Variants in ARHGAP20 observed in about 807,000 individuals in gnomAD.
The protein encoded by ARHGAP20 is rho GTPase-activating protein 20.
A neutral mutation model predicts 73.7 loss-of-function variants in ARHGAP20; 34 were observed. The ratio of observed to expected loss-of-function variants is 0.46; its 90% CI spans 0.35 to 0.61. The LOEUF is 0.61. Among genes scored for constraint, ARHGAP20 ranks in the 20% least tolerant of loss-of-function variants. ARHGAP20 has a pLI of 0.00. For synonymous variants in ARHGAP20, 523 were observed against 518.2 expected (o/e 1.01, Z -0.13); for missense variants, 1,314 against 1,420.9 (o/e 0.92, Z 1.21).
At chr11:110,694,713 A>G (rs17409473) in intron 1 of ARHGAP20, among the ~76,000 whole-genome samples, 7,917 of 151,638 alleles carry the variant, frequency 0.052, 252 homozygotes, top group Middle Eastern at 0.099. Context: ...AGCAGGGGCT[A>G]TATCTTCTTC....
intron 2 of ARHGAP20, among the ~76,000 whole-genome samples, chr11:110,636,276 G>A (rs326953): frequency 0.51 from 77,693 of 151,942 alleles, 21,742 homozygotes; most frequent in African/African-American, 0.76. Flanking sequence ...TTACAAAAAT[G>A]GGCAACCTGT....
At chr11:110,659,771 G>A (rs1425350773) in intron 2 of ARHGAP20, among the ~76,000 whole-genome samples, 1 of 151,910 alleles carries the variant, frequency 6.6e-6, no homozygotes, top group Admixed American at 6.6e-5. Flanking sequence ...GGATGAAATT[G>A]GAAATCATCA....
In ARHGAP20 at chr11:110,577,045, T is replaced by G. The variant is rs1388917282; in HGVS notation, c.*2325A>C. The stretch of plus-strand genomic sequence containing the variant: ...AAAGGGCAATATTGCTCTGGTGGGA[T>G]GGTTAATTCTGCAGAATGGCATTTT... On this transcript the variant is annotated 3_prime_UTR_variant, in exon 15 of 15. Transcript: ENST00000683387. 7 of 1,343,484 alleles carry G rather than the reference T, an allele frequency of 5.2e-6. No homozygotes were observed. Among genetic ancestry groups the G allele is most frequent in the Non-Finnish European group, 7.1e-6 (7 of 987,082 alleles). The allele number at this position is 1,343,484 out of a possible 1,614,324, so 83.2% of individuals were successfully genotyped here.
chr11:110,650,842 C>A (rs1261206440), intron 2 of ARHGAP20, among the ~76,000 whole-genome samples: 3 of 152,084 alleles, frequency 2.0e-5, no homozygotes, highest in African/African-American at 7.2e-5. Flanking sequence ...CTCTCAAAGA[C>A]CTGGGTTGTG....
At chr11:110,709,641 A>G (rs1385035446) in intron 1 of ARHGAP20, among the ~76,000 whole-genome samples, 1 of 152,206 alleles carries the variant, frequency 6.6e-6, no homozygotes, top group South Asian at 2.1e-4. Flanking sequence ...GAGAAACACC[A>G]TCAAGGCCTC....
At chr11:110,589,312 CATG>C (rs1565424870) in intron 11 of ARHGAP20, 3 of 801,192 alleles carry the variant, frequency 3.7e-6, no homozygotes, top group Non-Finnish European at 1.5e-6. Context: ...AGTTCTCTTG[CATG>C]ATATCTAATT....
At chr11:110,702,994 A>G (rs1257326751) in intron 1 of ARHGAP20, among the ~76,000 whole-genome samples, 2 of 152,208 alleles carry the variant, frequency 1.3e-5, no homozygotes, top group Non-Finnish European at 2.9e-5. Flanking sequence ...ATCCCCATCA[A>G]GCTACCAATG....
In ARHGAP20 at chr11:110,606,191, T is replaced by C. The variant is rs571186283; in HGVS notation, c.964+370A>G. Among the ~76,000 whole-genome samples, 6 of 152,358 alleles carry C rather than the reference T, an allele frequency of 3.9e-5. No homozygotes were observed. The East Asian group carries it at 5.8e-4, about 15-fold the overall frequency. On this transcript the variant is annotated intron_variant, in intron 9 of 14. Transcript: ENST00000683387. ...CATCACAATCTTCTGACACCCATCA[T>C]TGACAGCCTCCTTTTTATAATGCAA...
In ARHGAP20 at chr11:110,685,131, T is replaced by C. The variant is rs546916210; in HGVS notation, c.188+5416A>G. 1.5e-4 allele frequency among the ~76,000 whole-genome samples: 23 copies of C among 152,228 alleles called. No homozygotes were observed. The South Asian group carries it at 4.8e-3, about 31-fold the overall frequency. On this transcript the variant is annotated intron_variant, in intron 2 of 14. Transcript: ENST00000683387. Reference sequence around the variant, plus strand: ...ATAAAATTAAGATCATATTGGAAAATACACAGTCTTCTGGGAAATCTTTTT... The same window carrying C: ...ATAAAATTAAGATCATATTGGAAAACACACAGTCTTCTGGGAAATCTTTTT...
intron 2 of ARHGAP20, among the ~76,000 whole-genome samples, chr11:110,669,747 T>C (rs905755246): frequency 5.3e-5 from 8 of 152,138 alleles, no homozygotes; most frequent in African/African-American, 1.7e-4. Context: ...TAGAAAATAA[T>C]TTGGCAGTTC....
intron 2 of ARHGAP20, among the ~76,000 whole-genome samples, chr11:110,631,363 C>G (rs1187690158): frequency 1.3e-5 from 2 of 152,190 alleles, no homozygotes; most frequent in Non-Finnish European, 2.9e-5. Flanking sequence ...TATAAATTAA[C>G]CAAATATAGT....
chr11:110,679,069 C>T (rs1321428624), intron 2 of ARHGAP20, among the ~76,000 whole-genome samples: 2 of 152,122 alleles, frequency 1.3e-5, no homozygotes, highest in African/African-American at 4.8e-5. Flanking sequence ...AGATTTCAAC[C>T]AGGGCTGGCT....
intron 12 of ARHGAP20, among the ~76,000 whole-genome samples, 195 bp downstream of exon 12, chr11:110,586,021 T>C (rs550537699): frequency 6.6e-6 from 1 of 152,166 alleles, no homozygotes; most frequent in Non-Finnish European, 1.5e-5. Context: ...TTCAGGTATA[T>C]GGAAGGTGTA....
At chr11:110,688,579 TTC>T (rs1250282017) in intron 2 of ARHGAP20, among the ~76,000 whole-genome samples, 6 of 152,190 alleles carry the variant, frequency 3.9e-5, no homozygotes, top group Admixed American at 2.0e-4. Context: ...TACTGATTAA[TTC>T]TGTTTCCTCT....
chr11:110,677,766 C>T (rs1275738740), intron 2 of ARHGAP20, among the ~76,000 whole-genome samples: 1 of 152,076 alleles, frequency 6.6e-6, no homozygotes, highest in Non-Finnish European at 1.5e-5. Context: ...AATTAGAATG[C>T]TCATATATTG....
At chr11:110,663,661 T>C (rs1407604206) in intron 2 of ARHGAP20, among the ~76,000 whole-genome samples, 2 of 152,162 alleles carry the variant, frequency 1.3e-5, no homozygotes, top group Admixed American at 1.3e-4. Flanking sequence ...AGTTGAATTC[T>C]ACCAAATACT....
At chr11:110,689,634 G>T (rs747166240) in intron 2 of ARHGAP20, among the ~76,000 whole-genome samples, 4 of 152,104 alleles carry the variant, frequency 2.6e-5, no homozygotes, top group Non-Finnish European at 4.4e-5. Flanking sequence ...GAGCAGGGCA[G>T]GAAAAGGCTC....
intron 2 of ARHGAP20, among the ~76,000 whole-genome samples, chr11:110,677,540 G>A (rs1334389009): frequency 1.3e-5 from 2 of 152,100 alleles, no homozygotes; most frequent in African/African-American, 2.4e-5. Context: ...AGCTACTCAG[G>A]AGGGTGAGGT....
In ARHGAP20 at chr11:110,581,074, A is replaced by T. The variant is rs1465987810; in HGVS notation, c.1872T>A (p.Asp624Glu). ...MDSVLTLSDY[D>E]LDQPEVEGLL... ...GGCCTTCCACCTCGGGCTGGTCAAG[A>T]TCATAGTCACTGAGGGTTAAGACAG... The change falls in exon 15 of 15, where the codon GAT becomes GAA. Residue 624 changes from aspartate to glutamate, a missense_variant. Asp to Glu is a conservative substitution (Grantham distance 45, BLOSUM62 2). Around this residue, in one of 3 missense-constraint regions of ARHGAP20, gnomAD observed 230 missense variants for 317.6 expected, o/e 0.72. Transcript: ENST00000683387. 9 of 1,614,180 alleles carry T rather than the reference A, an allele frequency of 5.6e-6. No homozygotes were observed. The highest frequency in any genetic ancestry group is 7.6e-6 in the Non-Finnish European group (9 of 1,180,032).
Sources: gnomAD v4.1 joint callset for allele counts (sites outside exome capture counted in the v4.1 genomes callset) on GRCh38, gnomAD v4.1.1 for gene constraint, gnomAD v4.1.1 regional missense constraint, MANE v1.5 for transcripts, NCBI Gene and HGNC (gene_info 2026-07-23, HGNC 2026-07-21) for gene names.